The following EPS8L1 variants were observed in gnomAD, a reference collection of about 807,000 sequenced individuals.
The protein encoded by EPS8L1 is epidermal growth factor receptor kinase substrate 8-like protein 1.
A neutral mutation model predicts 91.7 loss-of-function variants in EPS8L1; 101 were observed. The observed-to-expected ratio is 1.10, with a 90% CI of 0.94 to 1.30. The LOEUF (loss-of-function observed/expected upper bound fraction) is 1.30, where lower values mean the gene tolerates loss of function less well. Ranked by LOEUF, EPS8L1 falls within the 50% of genes most tolerant of loss-of-function variation. EPS8L1 has a pLI of 0.00. For synonymous variants in EPS8L1, 506 were observed against 445.3 expected (o/e 1.14, Z -1.72); for missense variants, 1,114 against 1,017.0 (o/e 1.10, Z -1.30).
rs185230963 is a variant in EPS8L1, at chr19:55,076,002, C to T, written c.-38+83C>T. The T allele has an allele frequency of 3.0e-5, 5 of 166,844 alleles. No homozygotes were observed. The East Asian group carries it at 8.0e-4, about 27-fold the overall frequency. 10.3% of individuals were successfully genotyped at this position (166,844 alleles called of 1,614,324 possible). On this transcript the variant is annotated intron_variant, in intron 1 of 19. Transcript: ENST00000201647. ...GACGGGGGGACTGGGGTCTGGACTCCAGGGTCTCAGGGAGGACGGGCTGGG... is the reference window on the plus strand; with the variant it reads ...GACGGGGGGACTGGGGTCTGGACTCTAGGGTCTCAGGGAGGACGGGCTGGG...
intron 2 of EPS8L1, among the ~76,000 whole-genome samples, chr19:55,077,252 CCT>C (rs1157302975): frequency 2.6e-5 from 4 of 152,078 alleles, no homozygotes; most frequent in African/African-American, 7.3e-5. Context: ...CAGATAATTC[CCT>C]GTCTACTTCA....
chr19:55,078,778 G>T (rs12462544), intron 3 of EPS8L1, among the ~76,000 whole-genome samples: 1 of 24,590 alleles, frequency 4.1e-5, no homozygotes, highest in African/African-American at 1.3e-4. Context: ...GGGCTGGGGG[G>T]CTGGACTCCT....
Position 55,086,391 on chromosome 19 carries a change from G to C in EPS8L1, c.1651-1G>C, listed in dbSNP as rs1329267608. On this transcript the variant is annotated splice_acceptor_variant, in intron 16 of 19. Coordinates refer to ENST00000201647, the MANE Select transcript of EPS8L1 (RefSeq NM_133180.3). LOFTEE classifies it high-confidence loss of function. ...AGGTACTCTCCTCTCCTTCCTTTCA[G>C]AACAGCACTCCTCCTCCACCACCAG... The C allele has an allele frequency of 6.3e-7, 1 of 1,581,310 alleles. No homozygotes were observed. Among genetic ancestry groups the C allele is most frequent in the South Asian group, 1.1e-5 (1 of 87,102 alleles).
chr19:55,080,984 CTG>C (rs1307416516), intron 7 of EPS8L1, 130 bp downstream of exon 7: 6 of 960,238 alleles, frequency 6.2e-6, no homozygotes, highest in Non-Finnish European at 9.1e-6. Flanking sequence ...CGAGTCTTGT[CTG>C]TACCTCCCAG....
chr19:55,086,108 G>A lies in EPS8L1; in HGVS notation c.1566G>A (p.Gly522=). 1 of 1,605,514 alleles carries A rather than the reference G, an allele frequency of 6.2e-7. No homozygotes were observed. Among genetic ancestry groups the A allele is most frequent in the Non-Finnish European group, 8.5e-7 (1 of 1,174,840 alleles). Reference sequence around the variant, plus strand: ...GGTGGAAGGTTCGGGACCCAGCGGGGCAGGAGGGATATGTGCCCTACAACA... The same window carrying A: ...GGTGGAAGGTTCGGGACCCAGCGGGACAGGAGGGATATGTGCCCTACAACA... ...RKWWKVRDPA[G]QEGYVPYNIL... The change falls in exon 16 of 20, where the codon GGG becomes GGA. Residue 522 remains glycine (G), a synonymous_variant. Coordinates refer to ENST00000201647, the MANE Select transcript of EPS8L1 (RefSeq NM_133180.3).
chr19:55,080,367 C>T, intron 6 of EPS8L1, 89 bp downstream of exon 6: 2 of 1,246,740 alleles, frequency 1.6e-6, no homozygotes, highest in Non-Finnish European at 1.1e-6. Context: ...CTAGGTGGGG[C>T]GGGGCCTGGG....
rs1568798177 is a variant in EPS8L1, at chr19:55,086,804, C to T, written c.1868C>T (p.Pro623Leu). ...RSGPSRAVPG[P>L]RAPEPQLSPG... is the part of the protein sequence containing the mutation. ...GGACCGAGCCGCGCAGTCCCAGGGC[C>T]CCGCGCCCCGGAACCGCAGCTCAGC... The change falls in exon 18 of 20, where the codon CCC (proline) becomes CTC (leucine). Residue 623 changes from proline (P) to leucine (L), a missense_variant. By Grantham distance (98) the Pro-to-Leu change is moderately conservative (BLOSUM62 -3). Coordinates refer to ENST00000201647, the MANE Select transcript of EPS8L1 (RefSeq NM_133180.3). The T allele has an allele frequency of 3.1e-6, 5 of 1,595,308 alleles. No homozygotes were observed. The highest frequency in any genetic ancestry group is 1.8e-4 in the Middle Eastern group (1 of 5,578).
At chr19:55,077,018 G>A (rs1394999858) in intron 2 of EPS8L1, among the ~76,000 whole-genome samples, 1 of 152,202 alleles carries the variant, frequency 6.6e-6, no homozygotes, top group African/African-American at 2.4e-5. Context: ...TAATCAAATT[G>A]TGGTGACATC....
Position 55,083,730 on chromosome 19 carries a change from TC to T in EPS8L1, c.1385+87del. 1 of 1,534,214 alleles carries T rather than the reference TC, an allele frequency of 6.5e-7. No homozygotes were observed. Among genetic ancestry groups the T allele is most frequent in the African/African-American group, 1.4e-5 (1 of 72,862 alleles). Reference sequence around the variant, plus strand: ...CGATGCTGACTCCGCCCCCTTTTTTTCTGTGTTTTTCCTTCTGTCTTCCTGG... The same window carrying T: ...CGATGCTGACTCCGCCCCCTTTTTTTTGTGTTTTTCCTTCTGTCTTCCTGG... On this transcript the variant is annotated intron_variant, in intron 14 of 19. Transcript: ENST00000201647. The surrounding 1 kb of genome is among the most constrained non-coding windows in gnomAD (Gnocchi z 4.7).
Position 55,086,734 on chromosome 19 carries a change from A to G in EPS8L1, c.1798A>G (p.Ile600Val). 2 of 1,609,308 alleles carry G rather than the reference A, an allele frequency of 1.2e-6. No individual in the cohort carries two copies. Among genetic ancestry groups the G allele is most frequent in the East Asian group, 2.2e-5 (1 of 44,620 alleles). The change falls in exon 18 of 20, where the codon ATC becomes GTC. Residue 600 changes from isoleucine (I) to valine (V), a missense_variant. Transcript: ENST00000201647. ...TGCAGAGAAATTCTCCCAGATGCTC[A>G]TCGTCAACGAGGAACTGCAGGCGCG... ...SEKEKFSQML[I>V]VNEELQARLA...
rs182956506 is a variant in EPS8L1, at chr19:55,079,482, G to C, written c.118-208G>C. On this transcript the variant is annotated intron_variant, in intron 4 of 19. Coordinates refer to ENST00000201647, the MANE Select transcript of EPS8L1 (RefSeq NM_133180.3). ...TGCCCGCAAGGAGCCTCCAGTCTGT[G>C]AGAAGCCAGACTCAGGTGCTAGTCA... The C allele has an allele frequency of 4.4e-4, 280 of 631,418 alleles. 1 individual carries two copies. Among genetic ancestry groups the C allele is most frequent in the African/African-American group, 4.1e-3 (221 of 54,504 alleles). The allele number at this position is 631,418 out of a possible 1,614,324, so 39.1% of individuals were successfully genotyped here.
rs762216962 is a variant in EPS8L1, at chr19:55,076,478, C to A, written c.17+17C>A. The A allele has an allele frequency of 9.9e-6, 16 of 1,611,070 alleles. No homozygotes were observed. Among genetic ancestry groups the A allele is most frequent in the Non-Finnish European group, 1.4e-5 (16 of 1,178,640 alleles). ...CGCCACAGGGTAAGCGCCCCCGGAC[C>A]CCAGGTCCCAGCCCCAGCACGCCTC... On this transcript the variant is annotated intron_variant, in intron 2 of 19. Coordinates refer to ENST00000201647, the MANE Select transcript of EPS8L1 (RefSeq NM_133180.3).
rs1379759914 is a variant in EPS8L1, at chr19:55,083,448, A to T, written c.1285A>T (p.Thr429Ser). ...CTTCAGCGGCTGGGAGCCGCCGGTC[A>T]CTGACCCGCAGAGCCGCGCCTGGGA... ...EFFSGWEPPV[T>S]DPQSRAWEDP... The change falls in exon 13 of 20, where the codon ACT becomes TCT. Residue 429 changes from threonine (T) to serine (S), a missense_variant. Thr to Ser is a moderately conservative substitution (Grantham distance 58). Coordinates refer to ENST00000201647, the MANE Select transcript of EPS8L1 (RefSeq NM_133180.3). The surrounding 1 kb of genome is among the most constrained non-coding windows in gnomAD (Gnocchi z 4.7). The T allele has an allele frequency of 6.2e-7, 1 of 1,612,590 alleles. No individual in the cohort carries two copies. The highest frequency in any genetic ancestry group is 1.3e-5 in the African/African-American group (1 of 74,928).
rs2147133733 is a variant in EPS8L1 at position 55,079,582 on chromosome 19, TGGA to T, written c.118-102_118-100del. ...GAACAGGTGATCAAGGAAGGCTTCC[TGGA>T]GGAGGTGTGGTTAGTCTCAGGCTGA... On this transcript the variant is annotated intron_variant, in intron 4 of 19. Transcript: ENST00000201647. 3.7e-6 allele frequency: 5 copies of T among 1,341,040 alleles called. No homozygotes were observed. The South Asian group carries it at 5.8e-5, about 16-fold the overall frequency. The allele number at this position is 1,341,040 out of a possible 1,614,324, so 83.1% of individuals were successfully genotyped here.
chr19:55,082,952 T>C (rs2076302581), intron 12 of EPS8L1, among the ~76,000 whole-genome samples: 1 of 152,122 alleles, frequency 6.6e-6, no homozygotes, highest in African/African-American at 2.4e-5. Context: ...GGACAGAGTC[T>C]GTGCACTGCG....
rs775272598 is a variant in EPS8L1, at chr19:55,085,828, C to A, written c.1386-13C>A. On this transcript the variant is annotated splice_polypyrimidine_tract_variant and intron_variant, in intron 14 of 19. Transcript: ENST00000201647. ...GCTGCCTCCTTATCTCCAACCCTCCCGCTTCTCCTCAGTCACCGAGACTTG... is the reference window on the plus strand; with the variant it reads ...GCTGCCTCCTTATCTCCAACCCTCCAGCTTCTCCTCAGTCACCGAGACTTG... 3.1e-6 allele frequency: 5 copies of A among 1,609,150 alleles called. No homozygotes were observed. Among genetic ancestry groups the A allele is most frequent in the Non-Finnish European group, 2.5e-6 (3 of 1,176,888 alleles).
Position 55,080,177 on chromosome 19 carries a change from G to A in EPS8L1, c.328G>A (p.Val110Met). Residue 110 changes from valine to methionine, a missense_variant, in exon 6 of 20, where the codon GTG becomes ATG. Transcript: ENST00000201647. ...GGGCGCCATCGTGCGCTGTGACGCG[G>A]TGATGCCACCCGGCAGGAGCCGCTC... ...PLGAIVRCDA[V>M]MPPGRSRSLL... 6.5e-7 allele frequency: 1 copy of A among 1,533,196 alleles called. No individual in the cohort carries two copies. The highest frequency in any genetic ancestry group is 2.5e-5 in the East Asian group (1 of 40,490). The allele number at this position is 1,533,196 out of a possible 1,614,324, so 95.0% of individuals were successfully genotyped here. A position where few individuals can be genotyped will look rare whatever the true frequency, so the allele number is the denominator to read the frequency against.
chr19:55,081,691 TA>T lies in EPS8L1; in HGVS notation c.775-81del. 6.5e-7 allele frequency: 1 copy of T among 1,531,598 alleles called. No homozygotes were observed. Among genetic ancestry groups the T allele is most frequent in the Non-Finnish European group, 8.8e-7 (1 of 1,138,284 alleles). The allele number at this position is 1,531,598 out of a possible 1,614,324, so 94.9% of individuals were successfully genotyped here. ...GGGCGTGGCCTGATCTGGGGAAGTGTATAGGTGCTCAGGTTCAGGGCTTCGA... is the reference window on the plus strand; with the variant it reads ...GGGCGTGGCCTGATCTGGGGAAGTGTTAGGTGCTCAGGTTCAGGGCTTCGA... On this transcript the variant is annotated intron_variant, in intron 8 of 19. Transcript: ENST00000201647. This position sits in a 1 kb window ranked among gnomAD's most constrained non-coding sequence, Gnocchi z 4.9.
Position 55,086,778 on chromosome 19 carries a change from G to T in EPS8L1, c.1842G>T (p.Ser614=). 1 of 1,609,062 alleles carries T rather than the reference G, an allele frequency of 6.2e-7. No individual in the cohort carries two copies. The highest frequency in any genetic ancestry group is 8.5e-7 in the Non-Finnish European group (1 of 1,178,462). The change falls in exon 18 of 20, where the codon TCG becomes TCT. Residue 614 remains serine, a synonymous_variant. Coordinates refer to ENST00000201647, the MANE Select transcript of EPS8L1 (RefSeq NM_133180.3). ...ELQARLAQGR[S]GPSRAVPGPR... is the part of the protein sequence containing the mutation. Reference sequence around the variant, plus strand: ...AGGCGCGCCTGGCCCAGGGCCGCTCGGGACCGAGCCGCGCAGTCCCAGGGC... The same window carrying T: ...AGGCGCGCCTGGCCCAGGGCCGCTCTGGACCGAGCCGCGCAGTCCCAGGGC...
Sources: gnomAD v4.1 joint callset for allele counts (sites outside exome capture counted in the v4.1 genomes callset) on GRCh38, gnomAD v4.1.1 for gene constraint, Gnocchi (gnomAD v3.1) non-coding constraint, MANE v1.5 for transcripts, NCBI Gene and HGNC (gene_info 2026-07-23, HGNC 2026-07-21) for gene names.